Variants in METTL6 observed in about 807,000 individuals in gnomAD.
METTL6 encodes the protein tRNA N(3)-cytidine methyltransferase METTL6.
A neutral mutation model predicts 26.4 loss-of-function variants in METTL6; 22 were observed. The observed-to-expected ratio is 0.83, with a 90% CI of 0.59 to 1.19. The LOEUF (loss-of-function observed/expected upper bound fraction) is 1.19, where lower values mean the gene tolerates loss of function less well. Ranked by LOEUF, METTL6 falls within the 50% of genes most tolerant of loss-of-function variation. The probability of loss-of-function intolerance (pLI) is 0.00; values close to 1 mark genes in which losing one functional copy is unlikely to be tolerated. For missense variants in METTL6, 304 were observed against 324.8 expected, an observed-to-expected ratio of 0.94 and a Z score of 0.49; for synonymous variants, 109 against 116.2, an observed-to-expected ratio of 0.94 and a Z score of 0.40.
Position 15,386,741 on chromosome 3 carries a change from C to T in METTL6, c.*12-2554G>A, listed in dbSNP as rs1699210586. Among the ~76,000 whole-genome samples the T allele has an allele frequency of 2.0e-5, 3 of 151,888 alleles. No individual in the cohort carries two copies. In the South Asian group the frequency reaches 6.2e-4, roughly 32 times the overall value. ...AGTGAACGTGCCTTAGTCCACTTGC[C>T]CAACTCCAAAGATCTTACCAGGAAG... On this transcript the variant is annotated intron_variant, in intron 6 of 6. Coordinates refer to the METTL6 transcript ENST00000443029.
exon 7 of METTL6, chr3:15,383,396 ATTTTTACTTTTT>A (rs1454701236): frequency 6.8e-6 from 1 of 147,458 alleles, no homozygotes; most frequent in Non-Finnish European, 1.5e-5. Flanking sequence ...TTACACATTT[ATTTTTACTTTTT>A]TTTTTTTTTA....
intron 1 of METTL6, 148 bp from the exon 2 acceptor site, chr3:15,426,783 C>G: frequency 2.0e-6 from 1 of 508,496 alleles, no homozygotes; most frequent in Non-Finnish European, 3.5e-6. Context: ...ACACACAGTC[C>G]CTACCTTCAG....
chr3:15,398,248 C>T (rs1189018570), intron 6 of METTL6, among the ~76,000 whole-genome samples: 1 of 151,610 alleles, frequency 6.6e-6, no homozygotes, highest in Non-Finnish European at 1.5e-5. Context: ...GGCTGGAGTG[C>T]AGTGGAGTGA....
chr3:15,411,384 A>C lies in METTL6; in HGVS notation c.727T>G (p.Tyr243Asp), dbSNP rs1370772155. ...DTGYEEVVNE[Y>D]VFRETVNKKE... Reference sequence around the variant, plus strand: ...TTATTCACCGTCTCTCGAAACACATACTCGTTTACCACTTCTTCATAACCT... The same window carrying C: ...TTATTCACCGTCTCTCGAAACACATCCTCGTTTACCACTTCTTCATAACCT... Residue 243 changes from tyrosine to aspartate, a missense_variant, in exon 6 of 6, where the codon TAT becomes GAT. Tyr to Asp is a radical substitution (Grantham distance 160). Coordinates refer to ENST00000383790, the MANE Select transcript of METTL6 (RefSeq NM_152396.4). The C allele has an allele frequency of 6.2e-7, 1 of 1,614,010 alleles. No homozygotes were observed. The highest frequency in any genetic ancestry group is 8.5e-7 in the Non-Finnish European group (1 of 1,180,002).
chr3:15,420,726 C>A (rs891573311), intron 3 of METTL6, among the ~76,000 whole-genome samples: 1 of 152,104 alleles, frequency 6.6e-6, no homozygotes, highest in Non-Finnish European at 1.5e-5. Context: ...GTATGACCAA[C>A]GTAGAGTCAG....
intron 4 of METTL6, among the ~76,000 whole-genome samples, chr3:15,415,242 G>A (rs996187115): frequency 1.3e-5 from 2 of 152,216 alleles, no homozygotes; most frequent in Non-Finnish European, 2.9e-5. Context: ...TCACCCAACT[G>A]TGGGACAAAG....
intron 3 of METTL6, among the ~76,000 whole-genome samples, chr3:15,417,403 C>T (rs1274761571): frequency 1.3e-5 from 2 of 150,850 alleles, no homozygotes; most frequent in East Asian, 1.9e-4. Context: ...TGTAGTGAGC[C>T]GAGATCATGC....
At chr3:15,418,107 T>A (rs2061530126) in intron 3 of METTL6, among the ~76,000 whole-genome samples, 1 of 152,144 alleles carries the variant, frequency 6.6e-6, no homozygotes, top group South Asian at 2.1e-4. Flanking sequence ...CAAATCCCTA[T>A]CCCTCAGTAT....
At chr3:15,426,668 T>C (rs1201445881) in intron 1 of METTL6, 33 bp from the exon 2 acceptor site, 2 of 668,534 alleles carry the variant, frequency 3.0e-6, no homozygotes, top group Admixed American at 2.9e-5. Context: ...TTCTGGTTAG[T>C]GGTTACAGTT....
At chr3:15,386,045 G>A (rs1038708391) in intron 6 of METTL6, among the ~76,000 whole-genome samples, 15 of 152,204 alleles carry the variant, frequency 9.9e-5, no homozygotes, top group African/African-American at 3.6e-4. Flanking sequence ...GCAGAGCAGA[G>A]GCATGGGCTG....
At chr3:15,400,466 A>G (rs1005863058) in intron 6 of METTL6, among the ~76,000 whole-genome samples, 8 of 152,208 alleles carry the variant, frequency 5.3e-5, no homozygotes, top group African/African-American at 1.9e-4. Flanking sequence ...TTGAACTTTC[A>G]GAGGGTGAAC....
rs2124961670 is a variant in METTL6 at position 15,410,712 on chromosome 3, A to C, written c.*544T>G. On this transcript the variant is annotated 3_prime_UTR_variant, in exon 6 of 6. Transcript: ENST00000383790. ...GGGACTACTGTACATGCTCATTAAA[A>C]AAAATTAAGGGCCAGGCATGGTGGC... Among the ~76,000 whole-genome samples the C allele has an allele frequency of 6.6e-6, 1 of 152,230 alleles. No individual in the cohort carries two copies. The highest frequency in any genetic ancestry group is 1.9e-4 in the East Asian group (1 of 5,164).
exon 7 of METTL6, chr3:15,382,905 A>G (rs1216097797): frequency 6.6e-6 from 1 of 152,196 alleles, no homozygotes; most frequent in African/African-American, 2.4e-5. Flanking sequence ...ACATGATTTC[A>G]CTTATACGTG....
exon 7 of METTL6, chr3:15,382,771 C>A (rs1468494274): frequency 6.6e-6 from 1 of 152,060 alleles, no homozygotes; most frequent in Non-Finnish European, 1.5e-5. Flanking sequence ...ACATAAACCC[C>A]ATACAACTGA....
At chr3:15,424,562 A>T (rs1365275682) in intron 3 of METTL6, among the ~76,000 whole-genome samples, 1 of 152,220 alleles carries the variant, frequency 6.6e-6, no homozygotes, top group Non-Finnish European at 1.5e-5. Flanking sequence ...CCAACATGGC[A>T]GGCCAGATTA....
intron 5 of METTL6, chr3:15,413,525 T>C (rs1700060239): frequency 1.5e-6 from 1 of 647,700 alleles, no homozygotes; most frequent in Admixed American, 4.3e-5. Flanking sequence ...TGAGCCAAGA[T>C]CACACCACTG....
At chr3:15,382,731 C>A (rs547585771) in exon 7 of METTL6, 1 of 150,538 alleles carries the variant, frequency 6.6e-6, no homozygotes, top group South Asian at 2.1e-4. Flanking sequence ...GGAAACCCCA[C>A]GAAAATGACA....
chr3:15,404,999 G>A (rs571994259), downstream of METTL6, among the ~76,000 whole-genome samples: 97 of 152,342 alleles, frequency 6.4e-4, 1 homozygote, highest in South Asian at 5.8e-3. Flanking sequence ...CTGTGAAATA[G>A]GGAACCAAAT....
intron 3 of METTL6, among the ~76,000 whole-genome samples, chr3:15,421,847 G>A (rs2061617419): frequency 6.6e-6 from 1 of 152,224 alleles, no homozygotes; most frequent in Non-Finnish European, 1.5e-5. Flanking sequence ...GGGAGGTGGA[G>A]GTTGCAGTGA....
Sources: allele counts gnomAD v4.1 joint callset (sites outside exome capture counted in the v4.1 genomes callset), GRCh38; gene constraint gnomAD v4.1.1; transcripts MANE v1.5; gene names NCBI Gene and HGNC (gene_info 2026-07-23, HGNC 2026-07-21).